MUC17: variants seen among roughly 807,000 people sequenced by gnomAD.
The protein encoded by MUC17 is mucin 17, cell surface associated.
MUC17 carries 190 observed loss-of-function variants against 170.3 expected under a neutral mutation model. The observed-to-expected ratio is 1.12, with a 90% CI of 0.99 to 1.26. MUC17 has a LOEUF of 1.26. MUC17 is among the 50% of genes most tolerant of loss of function. MUC17 has a pLI of 0.00. For synonymous variants in MUC17, 2,325 were observed against 2,002.5 expected, an observed-to-expected ratio of 1.16 and a Z score of -4.30; for missense variants, 6,415 against 5,530.0, an observed-to-expected ratio of 1.16 and a Z score of -5.08.
rs746645893 is a variant in MUC17, at chr7:101,043,842, C to CT, written c.12403+31dup. On this transcript the variant is annotated intron_variant, in intron 3 of 12. Coordinates refer to ENST00000306151, the MANE Select transcript of MUC17 (RefSeq NM_001040105.2). ...CATGTAAGTGATTTCTTGAATTTTC[C>CT]TTTTTTTTAAAATTATACTGTAAGT... 251 of 1,568,650 alleles carry CT rather than the reference C, an allele frequency of 1.6e-4. 1 individual carries two copies. The highest frequency in any genetic ancestry group is 1.2e-3 in the African/African-American group (91 of 73,174).
In MUC17 at chr7:101,042,947, C is replaced by T; in HGVS notation, c.11531C>T (p.Thr3844Ile). The change falls in exon 3 of 13, where the codon ACA becomes ATA. Residue 3844 changes from threonine to isoleucine, a missense_variant. By Grantham distance (89) the Thr-to-Ile change is moderately conservative. Coordinates refer to ENST00000306151, the MANE Select transcript of MUC17 (RefSeq NM_001040105.2). ...TCAACACCTCCTGGTGATACCAGCA[C>T]ACCTTTGCTCACCTCTACCAAAGCC... ...TLSTPPGDTSTPLLTSTKAGS... is the reference protein window; with the variant it reads ...TLSTPPGDTSIPLLTSTKAGS... The T allele has an allele frequency of 6.2e-7, 1 of 1,614,164 alleles. No individual in the cohort carries two copies. Among genetic ancestry groups the T allele is most frequent in the Non-Finnish European group, 8.5e-7 (1 of 1,180,034 alleles).
rs772033791 is a variant in MUC17, at chr7:101,053,154, G to A, written c.13265+7G>A. 9 of 1,611,832 alleles carry A rather than the reference G, an allele frequency of 5.6e-6. No individual in the cohort carries two copies. The highest frequency in any genetic ancestry group is 2.2e-5 in the East Asian group (1 of 44,852). On this transcript the variant is annotated splice_region_variant and intron_variant, in intron 10 of 12. Transcript: ENST00000306151. ...CCAAGAGAGAGGTGAAACGGTGAGCGAGCCCCTACCACCTCCTCTTCCAAC... is the reference window on the plus strand; with the variant it reads ...CCAAGAGAGAGGTGAAACGGTGAGCAAGCCCCTACCACCTCCTCTTCCAAC...
rs1265180987 is a variant in MUC17, at chr7:101,036,656, G to T, written c.5240G>T (p.Gly1747Val). 5 of 1,612,540 alleles carry T rather than the reference G, an allele frequency of 3.1e-6. No homozygotes were observed. The African/African-American group carries it at 6.7e-5, about 22-fold the overall frequency. The change falls in exon 3 of 13, where the codon GGA becomes GTA. Residue 1747 changes from glycine to valine, a missense_variant. Physicochemically the swap from Gly to Val is moderately radical, Grantham distance 109. Coordinates refer to ENST00000306151, the MANE Select transcript of MUC17 (RefSeq NM_001040105.2). ...ATGCCAAACTCAACTCCTAGTGAAG[G>T]AACCACTCCATTAACAAGTATACCT... ...TSMPNSTPSEGTTPLTSIPVS... is the reference protein window; with the variant it reads ...TSMPNSTPSEVTTPLTSIPVS...
At position 101,038,097 on chromosome 7, in the gene MUC17, C is replaced by T; in HGVS notation, c.6681C>T (p.Val2227=). 2 of 1,406,462 alleles carry T rather than the reference C, an allele frequency of 1.4e-6. No individual in the cohort carries two copies. Among genetic ancestry groups the T allele is most frequent in the Non-Finnish European group, 1.9e-6 (2 of 1,050,354 alleles). The allele number at this position is 1,406,462 out of a possible 1,614,324, so 87.1% of individuals were successfully genotyped here. The change falls in exon 3 of 13, where the codon GTC becomes GTT. Residue 2227 remains valine (V), a synonymous_variant. Transcript: ENST00000306151. ...EGSTPFTSMP[V]STMPVVTSEA... ...GCACTCCATTCACAAGTATGCCTGTCAGCACCATGCCGGTAGTTACTTCTG... is the reference window on the plus strand; with the variant it reads ...GCACTCCATTCACAAGTATGCCTGTTAGCACCATGCCGGTAGTTACTTCTG...
At chr7:101,056,469 C>A (rs1216665879) in intron 12 of MUC17, among the ~76,000 whole-genome samples, 199 bp downstream of exon 12, 1 of 152,200 alleles carries the variant, frequency 6.6e-6, no homozygotes, top group Non-Finnish European at 1.5e-5. Flanking sequence ...GGTGGAATCA[C>A]TTTCCTTTGA....
In MUC17 at chr7:101,034,191, A is replaced by T. The variant is rs377519366; in HGVS notation, c.2775A>T (p.Pro925=). The T allele has an allele frequency of 1.9e-6, 3 of 1,585,266 alleles. No individual in the cohort carries two copies. The highest frequency in any genetic ancestry group is 1.7e-5 in the Admixed American group (1 of 58,368). The change falls in exon 3 of 13, where the codon CCA becomes CCT. Residue 925 remains proline, a synonymous_variant. Transcript: ENST00000306151. ...CAACTCCTGGGGAAGGAAGCACTCC[A>T]TTAACAAGTATGCCTGACAGCACCA... ...PTSTPGEGST[P]LTSMPDSTTP...
intron 6 of MUC17, among the ~76,000 whole-genome samples, chr7:101,049,832 T>C (rs1364845658): frequency 6.6e-6 from 1 of 152,134 alleles, no homozygotes; most frequent in African/African-American, 2.4e-5. Flanking sequence ...AGGGCTTCAA[T>C]ATATAAATGT....
intron 3 of MUC17, among the ~76,000 whole-genome samples, chr7:101,046,548 G>A (rs1794844735): frequency 6.6e-6 from 1 of 152,146 alleles, no homozygotes; most frequent in Non-Finnish European, 1.5e-5. Context: ...GGCTGAGACT[G>A]GAGAATTTGT....
chr7:101,031,176 GT>G lies in MUC17; in HGVS notation c.140del (p.Val47AlafsTer2). 2 of 1,613,836 alleles carry G rather than the reference GT, an allele frequency of 1.2e-6. No individual in the cohort carries two copies. Among genetic ancestry groups the G allele is most frequent in the Non-Finnish European group, 1.7e-6 (2 of 1,179,882 alleles). On this transcript the variant is annotated frameshift_variant, in exon 2 of 13. Transcript: ENST00000306151. LOFTEE classifies it high-confidence loss of function. ...DGGGCISQGD[V>X]LNRQCQQLSQ... ...AGGAGGGTGCATCTCCCAAGGGGAC[GT>G]CTTGAACCGTCAGTGCCAGCAGCTG...
chr7:101,048,039 G>A lies in MUC17; in HGVS notation c.12459G>A (p.Trp4153Ter). The A allele has an allele frequency of 6.2e-7, 1 of 1,608,446 alleles. No individual in the cohort carries two copies. The highest frequency in any genetic ancestry group is 2.3e-5 in the East Asian group (1 of 44,334). ...TASRCKNGGT[W>*]DGLKCQCPNL... The stretch of plus-strand genomic sequence containing the variant: ...CTCGCTGCAAGAATGGAGGCACCTG[G>A]GATGGGCTCAAGTGCCAGTGTCCCA... Residue 4153 changes from tryptophan (W) to a stop codon, truncating the protein, a stop_gained, in exon 4 of 13, where the codon TGG becomes TGA. Coordinates refer to ENST00000306151, the MANE Select transcript of MUC17 (RefSeq NM_001040105.2). LOFTEE classifies it high-confidence loss of function.
chr7:101,043,573 A>T lies in MUC17; in HGVS notation c.12157A>T (p.Arg4053Trp), dbSNP rs1562819856. The T allele has an allele frequency of 3.7e-6, 6 of 1,614,176 alleles. No individual in the cohort carries two copies. In the East Asian group the frequency reaches 1.3e-4, roughly 36 times the overall value. The change falls in exon 3 of 13, where the codon AGG becomes TGG. Residue 4053 changes from arginine (R) to tryptophan (W), a missense_variant. Arg to Trp is a moderately radical substitution (Grantham distance 101). Transcript: ENST00000306151. ...TGTGACCCCTTCATCAGAATCCAGC[A>T]GGCCGTCAACAATTACTTCTCACAC... ...RPVTPSSESS[R>W]PSTITSHTIP...
At chr7:101,030,230 CT>C (rs57980303) in intron 1 of MUC17, among the ~76,000 whole-genome samples, 4,445 of 136,114 alleles carry the variant, frequency 0.033, 83 homozygotes, top group African/African-American at 0.067. Flanking sequence ...ACAATGTTGG[CT>C]TTTTTTTTTT....
Position 101,038,526 on chromosome 7 carries a change from T to G in MUC17, c.7110T>G (p.Thr2370=), listed in dbSNP as rs773101491. 6.2e-7 allele frequency: 1 copy of G among 1,611,544 alleles called. No homozygotes were observed. Among genetic ancestry groups the G allele is most frequent in the Non-Finnish European group, 8.5e-7 (1 of 1,178,978 alleles). Residue 2370 remains threonine, a synonymous_variant, in exon 3 of 13, where the codon ACT becomes ACG. Transcript: ENST00000306151. ...CTGCTGACACCAGCACACCTGTGAC[T>G]ACTTATTCTCAAGCCGGTTCATCTC... ...TTPADTSTPV[T]TYSQAGSSPT... is the part of the protein sequence containing the mutation.
chr7:101,035,131 C>G lies in MUC17; in HGVS notation c.3715C>G (p.Leu1239Val). ...TPVASSEAST[L>V]STSPVDTSTP... ...AGTGGCCAGTTCTGAGGCTAGCACC[C>G]TTTCAACATCTCCCGTTGACACCAG... is the stretch of plus-strand genomic sequence containing the variant. The change falls in exon 3 of 13, where the codon CTT (leucine) becomes GTT (valine). Residue 1239 changes from leucine (L) to valine (V), a missense_variant. Leu to Val is a conservative substitution (Grantham distance 32). Transcript: ENST00000306151. 6.2e-7 allele frequency: 1 copy of G among 1,611,014 alleles called. No homozygotes were observed. The highest frequency in any genetic ancestry group is 8.5e-7 in the Non-Finnish European group (1 of 1,178,602).
intron 1 of MUC17, among the ~76,000 whole-genome samples, chr7:101,028,008 A>G (rs947652812): frequency 6.7e-6 from 1 of 149,826 alleles, no homozygotes; most frequent in Non-Finnish European, 1.5e-5. Flanking sequence ...CCTGGGCTCA[A>G]GTGATCTGCC....
Position 101,032,983 on chromosome 7 carries a change from G to A in MUC17, c.1567G>A (p.Val523Met), listed in dbSNP as rs772492110. 5.0e-6 allele frequency: 8 copies of A among 1,613,966 alleles called. No homozygotes were observed. The South Asian group carries it at 8.8e-5, about 18-fold the overall frequency. Residue 523 changes from valine (V) to methionine (M), a missense_variant, in exon 3 of 13, where the codon GTG becomes ATG. By Grantham distance (21) the Val-to-Met change is conservative. Transcript: ENST00000306151. ...LTSMSVSTMP[V>M]ASSEASTLST... The stretch of plus-strand genomic sequence containing the variant: ...AAGTATGTCTGTCAGCACCATGCCG[G>A]TGGCCAGTTCTGAGGCTAGCACCCT...
At chr7:101,054,261 T>C (rs1795010738) in intron 11 of MUC17, among the ~76,000 whole-genome samples, 1 of 152,076 alleles carries the variant, frequency 6.6e-6, no homozygotes, top group African/African-American at 2.4e-5. Flanking sequence ...AGACACAGGT[T>C]CCTTGAGGGT....
chr7:101,046,539 G>T (rs1232686490), intron 3 of MUC17, among the ~76,000 whole-genome samples: 2 of 152,126 alleles, frequency 1.3e-5, no homozygotes, highest in African/African-American at 4.8e-5. Context: ...ATTTTGTGAG[G>T]CTGAGACTGG....
chr7:101,021,405 C>T (rs566106126), intron 1 of MUC17, among the ~76,000 whole-genome samples: 28 of 152,230 alleles, frequency 1.8e-4, no homozygotes, highest in African/African-American at 6.3e-4. Flanking sequence ...CCGGGCTGGT[C>T]TCAAACTCCT....
Sources: gnomAD v4.1 joint callset for allele counts (sites outside exome capture counted in the v4.1 genomes callset) on GRCh38, gnomAD v4.1.1 for gene constraint, MANE v1.5 for transcripts, NCBI Gene and HGNC (gene_info 2026-07-23, HGNC 2026-07-21) for gene names.